STPG2: variants seen among roughly 807,000 people sequenced by gnomAD.
The protein encoded by STPG2 is sperm-tail PG-rich repeat-containing protein 2.
STPG2 carries 56 observed loss-of-function variants against 54.2 expected under a neutral mutation model. The observed-to-expected ratio is 1.03, with a 90% CI of 0.83 to 1.29. The LOEUF (loss-of-function observed/expected upper bound fraction) is 1.29, where lower values mean the gene tolerates loss of function less well. Ranked by LOEUF, STPG2 falls within the 50% of genes most tolerant of loss-of-function variation. The pLI is 0.00. For synonymous variants in STPG2, 200 were observed against 181.8 expected, an observed-to-expected ratio of 1.10 and a Z score of -0.81; for missense variants, 596 against 544.9, an observed-to-expected ratio of 1.09 and a Z score of -0.93.
At chr4:97,560,311 T>C (rs1333150897) in intron 10 of STPG2, among the ~76,000 whole-genome samples, 1 of 152,198 alleles carries the variant, frequency 6.6e-6, no homozygotes, top group Non-Finnish European at 1.5e-5. Flanking sequence ...TCTAATGTGC[T>C]CTGTCATCAA....
intron 10 of STPG2, among the ~76,000 whole-genome samples, chr4:97,711,268 A>G (rs1488450152): frequency 6.6e-6 from 1 of 152,162 alleles, no homozygotes; most frequent in African/African-American, 2.4e-5. Context: ...CCAACTTATC[A>G]AGACCAATAC....
At chr4:98,039,492 A>G (rs1736878745) in intron 5 of STPG2, among the ~76,000 whole-genome samples, 1 of 112,312 alleles carries the variant, frequency 8.9e-6, no homozygotes, top group Middle Eastern at 5.3e-3. Context: ...TACAAGAAAT[A>G]CATATATATA....
chr4:97,963,898 A>G (rs981862985), intron 7 of STPG2, among the ~76,000 whole-genome samples: 2 of 152,146 alleles, frequency 1.3e-5, no homozygotes, highest in Non-Finnish European at 2.9e-5. Context: ...ACTTGTTCTT[A>G]TATTTAATGT....
At chr4:97,453,106 C>T (rs1206944906) in intron 4 of STPG2, among the ~76,000 whole-genome samples, 1 of 152,168 alleles carries the variant, frequency 6.6e-6, no homozygotes, top group Non-Finnish European at 1.5e-5. Flanking sequence ...TTCAGGGATC[C>T]CAGACTTGGG....
At chr4:97,732,650 G>A (rs1056510485) in intron 9 of STPG2, among the ~76,000 whole-genome samples, 1 of 151,992 alleles carries the variant, frequency 6.6e-6, no homozygotes, top group Non-Finnish European at 1.5e-5. Flanking sequence ...AAAATATTTG[G>A]AAACTATGGA....
At chr4:97,901,280 A>G (rs1452001234) in intron 8 of STPG2, among the ~76,000 whole-genome samples, 1 of 152,002 alleles carries the variant, frequency 6.6e-6, no homozygotes. Flanking sequence ...GATCAGGAAC[A>G]AGACAAAGAT....
intron 8 of STPG2, among the ~76,000 whole-genome samples, chr4:97,845,192 T>C (rs1034087169): frequency 6.6e-6 from 1 of 151,948 alleles, no homozygotes; most frequent in Non-Finnish European, 1.5e-5. Flanking sequence ...TAAGATAAGA[T>C]AGCAACTCTG....
At chr4:97,678,691 T>A (rs1722931449) in intron 10 of STPG2, among the ~76,000 whole-genome samples, 2 of 151,978 alleles carry the variant, frequency 1.3e-5, no homozygotes, top group African/African-American at 4.8e-5. Context: ...TAGTTACATA[T>A]GTATACATGT....
At chr4:97,957,296 T>A (rs990511300) in intron 7 of STPG2, among the ~76,000 whole-genome samples, 3 of 151,130 alleles carry the variant, frequency 2.0e-5, no homozygotes, top group African/African-American at 7.3e-5. Context: ...CTGGAAAGTC[T>A]CAGCAATAGA....
At chr4:97,794,705 A>C (rs1727110458) in intron 9 of STPG2, among the ~76,000 whole-genome samples, 1 of 152,162 alleles carries the variant, frequency 6.6e-6, no homozygotes, top group Non-Finnish European at 1.5e-5. Flanking sequence ...AACCTTTATT[A>C]TAGCTTCTAC....
chr4:97,994,934 A>C (rs924627301), intron 5 of STPG2, among the ~76,000 whole-genome samples: 1 of 152,094 alleles, frequency 6.6e-6, no homozygotes, highest in Non-Finnish European at 1.5e-5. Flanking sequence ...GGGCAGAGTT[A>C]GGCGTGTCTG....
At chr4:98,142,178 T>G (rs944725959) in intron 1 of STPG2, among the ~76,000 whole-genome samples, 1 of 152,262 alleles carries the variant, frequency 6.6e-6, no homozygotes, top group Middle Eastern at 3.4e-3. Flanking sequence ...ATTCAACATG[T>G]GAAACACTGA....
At chr4:97,831,887 C>A (rs1199042704) in intron 9 of STPG2, among the ~76,000 whole-genome samples, 1 of 152,040 alleles carries the variant, frequency 6.6e-6, no homozygotes. Context: ...AATAGCCTAC[C>A]AACCAAAAAA....
At chr4:98,059,054 G>A (rs950739978) in intron 5 of STPG2, among the ~76,000 whole-genome samples, 44 of 150,852 alleles carry the variant, frequency 2.9e-4, no homozygotes, top group African/African-American at 1.1e-3. Flanking sequence ...ATAAAACCAG[G>A]GCTTGTTTTT....
chr4:97,688,977 C>T (rs751810961), intron 10 of STPG2, among the ~76,000 whole-genome samples: 85 of 152,076 alleles, frequency 5.6e-4, no homozygotes, highest in Non-Finnish European at 1.1e-3. Flanking sequence ...TGCAACTAAC[C>T]TATTTTCTGC....
At chr4:97,488,394 G>C (rs1482757093) in intron 4 of STPG2, among the ~76,000 whole-genome samples, 2 of 151,652 alleles carry the variant, frequency 1.3e-5, no homozygotes, top group Admixed American at 1.3e-4. Flanking sequence ...GGAACAGAAA[G>C]ATTAACTATT....
chr4:98,000,990 G>A (rs947959978), intron 5 of STPG2, among the ~76,000 whole-genome samples: 1 of 152,132 alleles, frequency 6.6e-6, no homozygotes, highest in African/African-American at 2.4e-5. Context: ...TATTGCTTTG[G>A]AGTTGATGGT....
intron 2 of STPG2, among the ~76,000 whole-genome samples, chr4:98,132,362 C>T (rs1413215535): frequency 6.6e-6 from 1 of 151,936 alleles, no homozygotes; most frequent in African/African-American, 2.4e-5. Flanking sequence ...TTTAAATGTA[C>T]TTCATATCAC....
At chr4:98,098,819 T>C (rs1219078314) in intron 5 of STPG2, among the ~76,000 whole-genome samples, 1 of 152,062 alleles carries the variant, frequency 6.6e-6, no homozygotes, top group Non-Finnish European at 1.5e-5. Context: ...AAGATTTCAA[T>C]AGATAGCTCC....
Sources: gnomAD v4.1 joint callset for allele counts (sites outside exome capture counted in the v4.1 genomes callset) on GRCh38, gnomAD v4.1.1 for gene constraint, MANE v1.5 for transcripts, NCBI Gene and HGNC (gene_info 2026-07-23, HGNC 2026-07-21) for gene names.